The following ZC3H4 variants were observed in gnomAD, a reference collection of about 807,000 sequenced individuals.
ZC3H4 encodes zinc finger CCCH domain-containing protein 4.
In ZC3H4, 13 loss-of-function variants were observed where a neutral mutation model predicts 108.3. The ratio of observed to expected loss-of-function variants is 0.12; its 90% confidence interval spans 0.08 to 0.19. The LOEUF (loss-of-function observed/expected upper bound fraction) is 0.19, where lower values mean the gene tolerates loss of function less well. ZC3H4 is among the 10% of genes least tolerant of loss of function. The pLI is 1.00. For synonymous variants in ZC3H4, 917 were observed against 749.6 expected, an observed-to-expected ratio of 1.22 and a Z score of -3.65; for missense variants, 1,734 against 1,838.8, an observed-to-expected ratio of 0.94 and a Z score of 1.04.
At position 47,066,108 on chromosome 19, in the gene ZC3H4, G is replaced by A. The variant is rs1463949922; in HGVS notation, c.*248C>T. Reference sequence around the variant, plus strand: ...AAAGTTCACAGGTTTGCGGGCATGAGTCGGTTTGCTCAGCAGGAGCCCCTG... The same window carrying A: ...AAAGTTCACAGGTTTGCGGGCATGAATCGGTTTGCTCAGCAGGAGCCCCTG... On this transcript the variant is annotated 3_prime_UTR_variant, in exon 15 of 15. Transcript: ENST00000253048. 3 of 364,928 alleles carry A rather than the reference G, an allele frequency of 8.2e-6. No individual in the cohort carries two copies. The highest frequency in any genetic ancestry group is 1.5e-5 in the Non-Finnish European group (3 of 203,852). The allele number at this position is 364,928 out of a possible 1,614,324, so 22.6% of individuals were successfully genotyped here.
intron 5 of ZC3H4, among the ~76,000 whole-genome samples, chr19:47,089,164 C>A (rs988011844): frequency 1.3e-5 from 2 of 148,686 alleles, no homozygotes; most frequent in Non-Finnish European, 3.0e-5. Flanking sequence ...CGAGATCGCG[C>A]CACTGCACTC....
chr19:47,080,031 C>A (rs556340023), intron 11 of ZC3H4, among the ~76,000 whole-genome samples: 1 of 152,280 alleles, frequency 6.6e-6, no homozygotes, highest in East Asian at 1.9e-4. Flanking sequence ...CACAGGGGTG[C>A]CCCTGCCACC....
chr19:47,090,435 A>C (rs986689730), intron 4 of ZC3H4, among the ~76,000 whole-genome samples: 7 of 152,078 alleles, frequency 4.6e-5, no homozygotes, highest in African/African-American at 1.7e-4. Flanking sequence ...AGAACCACAG[A>C]CCCCCGATCC....
chr19:47,075,197 C>G (rs552158054), intron 11 of ZC3H4, among the ~76,000 whole-genome samples: 12 of 152,268 alleles, frequency 7.9e-5, no homozygotes, highest in African/African-American at 2.6e-4. Flanking sequence ...CCCCTCTGTC[C>G]TTCTGAACCC....
rs755258996 is a variant in ZC3H4 at position 47,071,817 on chromosome 19, CCTG to C, written c.2104_2106del (p.Gln702del). The C allele has an allele frequency of 1.3e-4, 206 of 1,613,356 alleles. No homozygotes were observed. The highest frequency in any genetic ancestry group is 1.7e-4 in the Non-Finnish European group (196 of 1,179,892). ...AGTCCGGGCTCCATCTCCATGCCCT[CCTG>C]CTGCTGGTAGAAGTTTTCATAGAAG... On this transcript the variant is annotated inframe_deletion, in exon 13 of 15. Transcript: ENST00000253048.
At chr19:47,087,605 G>A (rs900065866) in intron 5 of ZC3H4, among the ~76,000 whole-genome samples, 2 of 152,170 alleles carry the variant, frequency 1.3e-5, no homozygotes, top group South Asian at 2.1e-4. Context: ...TAGGCCAGGC[G>A]CAGTGGTTCA....
intron 2 of ZC3H4, among the ~76,000 whole-genome samples, chr19:47,095,357 C>T (rs2057804383): frequency 6.6e-6 from 1 of 152,166 alleles, no homozygotes; most frequent in South Asian, 2.1e-4. Context: ...AAGGTCTGAC[C>T]CACCCTCGTC....
chr19:47,112,222 A>G (rs1160129554), intron 2 of ZC3H4: 10 of 1,173,454 alleles, frequency 8.5e-6, no homozygotes, highest in South Asian at 4.3e-5. Context: ...GAGGGGGGGG[A>G]AACGCATGAG....
At chr19:47,081,071 ATTTAT>A (rs1264613895) in intron 11 of ZC3H4, among the ~76,000 whole-genome samples, 1 of 151,874 alleles carries the variant, frequency 6.6e-6, no homozygotes, top group African/African-American at 2.4e-5. Context: ...ATTTTTTTTA[ATTTAT>A]TTTTAGTAGA....
intron 2 of ZC3H4, 57 bp downstream of exon 2, chr19:47,112,364 TTCC>T (rs923753655): frequency 2.9e-5 from 35 of 1,219,706 alleles, no homozygotes; most frequent in South Asian, 1.2e-4. Context: ...GCCGCCCCCC[TTCC>T]TCCTCCTCCT....
At position 47,067,024 on chromosome 19, in the gene ZC3H4, G is replaced by T; in HGVS notation, c.3244C>A (p.Leu1082Met). ...RVRKAPTDPR[L>M]QKPTDSTASS... ...GCCGTAGAGTCTGTGGGTTTCTGCA[G>T]CCGAGGGTCGGTGGGGGCCTTCCGC... Residue 1082 changes from leucine to methionine, a missense_variant, in exon 15 of 15, where the codon CTG becomes ATG. By Grantham distance (15) the Leu-to-Met change is conservative. Transcript: ENST00000253048. This position sits in a 1 kb window ranked among gnomAD's most constrained non-coding sequence, Gnocchi z 6.4. 6.3e-7 allele frequency: 1 copy of T among 1,599,758 alleles called. No homozygotes were observed.
At chr19:47,080,462 T>C (rs985798476) in intron 11 of ZC3H4, among the ~76,000 whole-genome samples, 2 of 152,160 alleles carry the variant, frequency 1.3e-5, no homozygotes, top group African/African-American at 2.4e-5. Flanking sequence ...TCCACCAAAA[T>C]ACAATCCTTG....
intron 6 of ZC3H4, 48 bp downstream of exon 6, chr19:47,086,336 A>C (rs2057622065): frequency 6.2e-7 from 1 of 1,606,616 alleles, no homozygotes; most frequent in Non-Finnish European, 8.5e-7. Context: ...CGCCCCGGAA[A>C]GCCCACCAGC....
Position 47,066,904 on chromosome 19 carries a change from C to T in ZC3H4, c.3364G>A (p.Asp1122Asn). 1.4e-5 allele frequency: 22 copies of T among 1,596,910 alleles called. No homozygotes were observed. The highest frequency in any genetic ancestry group is 2.2e-5 in the East Asian group (1 of 44,664). The change falls in exon 15 of 15, where the codon GAC becomes AAC. Residue 1122 changes from aspartate (D) to asparagine (N), a missense_variant. Around this residue, in one of 9 missense-constraint regions of ZC3H4, gnomAD observed 518 missense variants for 499.6 expected, o/e 1.04. Transcript: ENST00000253048. ...CCACCGGCCGCCAGCACGCGGGGGT[C>T]GTAGGGAGCGGTGGCTGGTGGGGAG... ...DASPPATAPY[D>N]PRVLAAGGLG...
rs1371654558 is a variant in ZC3H4 at position 47,067,887 on chromosome 19, A to G, written c.2399-18T>C. 1 of 1,569,486 alleles carries G rather than the reference A, an allele frequency of 6.4e-7. No individual in the cohort carries two copies. The highest frequency in any genetic ancestry group is 2.3e-5 in the East Asian group (1 of 43,004). ...GGTGTCACCTGGGAAAGAACAGAGG[A>G]GCAGGGAGGGGTGAGTGGGCGCATC... On this transcript the variant is annotated intron_variant, in intron 14 of 14. Transcript: ENST00000253048. This position sits in a 1 kb window ranked among gnomAD's most constrained non-coding sequence, Gnocchi z 6.4.
At chr19:47,110,819 T>A in intron 2 of ZC3H4, 5 of 773,002 alleles carry the variant, frequency 6.5e-6, no homozygotes, top group Non-Finnish European at 7.9e-6. Flanking sequence ...GGAGTCGGGC[T>A]GCGATGGGCT....
At chr19:47,076,763 G>A (rs570593887) in intron 11 of ZC3H4, among the ~76,000 whole-genome samples, 93 of 152,238 alleles carry the variant, frequency 6.1e-4, no homozygotes, top group African/African-American at 2.1e-3. Flanking sequence ...GGAAGGCAGA[G>A]CCGAGCAGAT....
At position 47,099,892 on chromosome 19, in the gene ZC3H4, T is replaced by C. The variant is rs186045365; in HGVS notation, c.162-5284A>G. 1.3e-3 allele frequency among the ~76,000 whole-genome samples: 192 copies of C among 151,112 alleles called. 1 individual carries two copies. The highest frequency in any genetic ancestry group is 4.5e-3 in the African/African-American group (185 of 41,096). On this transcript the variant is annotated intron_variant, in intron 2 of 14. Coordinates refer to ENST00000253048, the MANE Select transcript of ZC3H4 (RefSeq NM_015168.2). ...GGAAACTCATGGGAACAGCAGCGGT[T>C]ACCTTAAGATCATGAGAGCCCTTGA...
intron 11 of ZC3H4, among the ~76,000 whole-genome samples, chr19:47,076,075 G>T (rs1293950668): frequency 2.6e-5 from 4 of 152,226 alleles, no homozygotes; most frequent in Non-Finnish European, 5.9e-5. Context: ...AGAGGCATGT[G>T]GGCTGAGCCC....
Sources: allele counts gnomAD v4.1 joint callset (sites outside exome capture counted in the v4.1 genomes callset), GRCh38; gene constraint gnomAD v4.1.1; regional missense constraint gnomAD v4.1.1; non-coding constraint Gnocchi (gnomAD v3.1); transcripts MANE v1.5; gene names NCBI Gene and HGNC (gene_info 2026-07-23, HGNC 2026-07-21).